COL4A4: variants seen among roughly 807,000 people sequenced by gnomAD.
COL4A4 encodes collagen alpha-4(IV) chain.
Under a neutral mutation model 192.9 loss-of-function variants are expected in COL4A4, and 105 were observed. The ratio of observed to expected loss-of-function variants is 0.54; its 90% confidence interval spans 0.46 to 0.64. The LOEUF is 0.64. Among genes scored for constraint, COL4A4 ranks in the 30% least tolerant of loss-of-function variants. The pLI is 0.00. For missense variants in COL4A4, 1,967 were observed against 2,169.3 expected, an observed-to-expected ratio of 0.91 and a Z score of 1.85; for synonymous variants, 762 against 769.9, an observed-to-expected ratio of 0.99 and a Z score of 0.17.
intron 25 of COL4A4, among the ~76,000 whole-genome samples, chr2:227,074,439 T>C (rs1239991401): frequency 3.3e-5 from 5 of 152,170 alleles, no homozygotes; most frequent in Non-Finnish European, 5.9e-5. Context: ...GGAACACTTA[T>C]ACAATGCTGA....
In COL4A4 at chr2:227,149,676, G is replaced by GTATT. The variant is rs2063787877; in HGVS notation, c.-101-2096_-101-2093dup. Among the ~76,000 whole-genome samples, 5 of 152,250 alleles carry GTATT rather than the reference G, an allele frequency of 3.3e-5. No individual in the cohort carries two copies. In the South Asian group the frequency reaches 1.0e-3, roughly 32 times the overall value. The stretch of plus-strand genomic sequence containing the variant: ...GTCAAAAATTAAAGAAAAACAAGAG[G>GTATT]TATTTACATTTTGATCCCAAAATAT... On this transcript the variant is annotated intron_variant, in intron 1 of 47. Coordinates refer to ENST00000396625, the MANE Select transcript of COL4A4 (RefSeq NM_000092.5).
chr2:227,128,274 G>A (rs891024053), intron 4 of COL4A4, among the ~76,000 whole-genome samples: 3 of 152,132 alleles, frequency 2.0e-5, no homozygotes, highest in African/African-American at 4.8e-5. Flanking sequence ...CCGGAGTGAC[G>A]TTTCAATCCC....
At chr2:227,082,293 A>G in intron 22 of COL4A4, 106 bp from the exon 23 acceptor site, 1 of 1,074,186 alleles carries the variant, frequency 9.3e-7, no homozygotes, top group South Asian at 1.3e-5. Context: ...CTCTTGTTAA[A>G]GATTCTAGCT....
chr2:227,051,881 G>A (rs952402408), intron 32 of COL4A4, among the ~76,000 whole-genome samples: 1 of 152,060 alleles, frequency 6.6e-6, no homozygotes, highest in African/African-American at 2.4e-5. Flanking sequence ...AGGTTTATTT[G>A]TGTTTATTTA....
At position 227,008,216 on chromosome 2, in the gene COL4A4, G is replaced by C. The variant is rs1458127052; in HGVS notation, c.4611C>G (p.Asn1537Lys). 8 of 1,614,222 alleles carry C rather than the reference G, an allele frequency of 5.0e-6. No homozygotes were observed. Among genetic ancestry groups the C allele is most frequent in the Non-Finnish European group, 5.9e-6 (7 of 1,180,030 alleles). The stretch of plus-strand genomic sequence containing the variant: ...CGCTGGCCAGCCAGTAGGATCTGTC[G>C]TTTCTCTGGGCATAGTGGCACACCT... The part of the protein sequence containing the change: ...IHQVCHYAQR[N>K]DRSYWLASAA... The change falls in exon 47 of 48, where the codon AAC becomes AAG. Residue 1537 changes from asparagine to lysine, a missense_variant. Coordinates refer to ENST00000396625, the MANE Select transcript of COL4A4 (RefSeq NM_000092.5).
chr2:227,099,724 T>A, intron 17 of COL4A4, 35 bp from the exon 18 acceptor site: 1 of 1,587,880 alleles, frequency 6.3e-7, no homozygotes, highest in African/African-American at 1.3e-5. Context: ...TTTAAAGGAA[T>A]ATTAATTTTA....
intron 37 of COL4A4, among the ~76,000 whole-genome samples, chr2:227,041,840 GAAAGAAAGAGAAAGAAAGAAAGAA>G (rs1198061029): frequency 2.7e-5 from 2 of 73,058 alleles, no homozygotes; most frequent in Non-Finnish European, 5.0e-5. Flanking sequence ...AAGAAAGAAA[GAAAGAAAGAGAAAGAAAGAAAGAA>G]AGAAAGAAAG....
At chr2:227,086,637 C>T (rs1052256596) in intron 22 of COL4A4, among the ~76,000 whole-genome samples, 5 of 152,112 alleles carry the variant, frequency 3.3e-5, no homozygotes, top group Non-Finnish European at 5.9e-5. Flanking sequence ...AGGAAAGCCC[C>T]ATAGAGCAAC....
intron 45 of COL4A4, among the ~76,000 whole-genome samples, chr2:227,011,151 C>G (rs1207915189): frequency 6.6e-6 from 1 of 152,176 alleles, no homozygotes; most frequent in Non-Finnish European, 1.5e-5. Context: ...TCCTTCGGCA[C>G]CTCTAAGGGG....
At chr2:226,999,163 T>A (rs1960319452), downstream of COL4A4, 1 of 152,230 alleles carries the variant, frequency 6.6e-6, no homozygotes, top group Admixed American at 6.5e-5. Flanking sequence ...GAGCAGTACG[T>A]TGTCTGGAAT....
At chr2:227,107,525 C>T (rs749617836) in intron 12 of COL4A4, among the ~76,000 whole-genome samples, 2 of 152,140 alleles carry the variant, frequency 1.3e-5, no homozygotes, top group African/African-American at 4.8e-5. Context: ...ATATTTTTGA[C>T]TCCTGTGCCG....
At chr2:226,987,937 C>T in the COL4A4 span, among the ~76,000 whole-genome samples, 1 of 152,008 alleles carries the variant, frequency 6.6e-6, no homozygotes, top group African/African-American at 2.4e-5. Flanking sequence ...GATTAAGGAC[C>T]ACTGCAGCAA....
At chr2:227,154,807 T>G (rs1400859772) in intron 1 of COL4A4, among the ~76,000 whole-genome samples, 3 of 152,238 alleles carry the variant, frequency 2.0e-5, no homozygotes, top group Admixed American at 6.5e-5. Flanking sequence ...CACATCCATC[T>G]ACCTGGACAC....
rs1976360591 is a variant in COL4A4, at chr2:227,059,570, G to A, written c.2218C>T (p.Pro740Ser). 7 of 1,614,042 alleles carry A rather than the reference G, an allele frequency of 4.3e-6. No individual in the cohort carries two copies. The highest frequency in any genetic ancestry group is 1.6e-4 in the Middle Eastern group (1 of 6,062). Residue 740 changes from proline to serine, a missense_variant, in exon 28 of 48, where the codon CCT (proline) becomes TCT (serine). Transcript: ENST00000396625. Reference protein sequence around the residue: ...PGFGGEKGSSPVGPPGPPGSP... With the variant: ...PGFGGEKGSSSVGPPGPPGSP... ...CCGGGAGGGCCTGGGGGCCCAACAGGGGAGGACCCCTTTTCACCTCCAAAA... is the reference window on the plus strand; with the variant it reads ...CCGGGAGGGCCTGGGGGCCCAACAGAGGAGGACCCCTTTTCACCTCCAAAA...
intron 45 of COL4A4, among the ~76,000 whole-genome samples, chr2:227,011,813 C>G (rs1322995366): frequency 6.6e-6 from 1 of 152,188 alleles, no homozygotes; most frequent in Non-Finnish European, 1.5e-5. Flanking sequence ...CACACCGTCC[C>G]TGAGGTCTTC....
Position 227,162,285 on chromosome 2 carries a change from A to G in COL4A4, c.-102+1722T>C, listed in dbSNP as rs867557754. 1.3e-4 allele frequency among the ~76,000 whole-genome samples: 20 copies of G among 152,372 alleles called. 2 individuals are homozygous for G. Among genetic ancestry groups the G allele is most frequent in the South Asian group, 6.2e-4 (3 of 4,826 alleles). ...TGATAAAACCAAGTCTAGTCCTCCA[A>G]CAAAATGACTTGGTTTCAGGAAAAG... On this transcript the variant is annotated intron_variant, in intron 1 of 47. Transcript: ENST00000396625.
chr2:226,975,290 C>T, the COL4A4 span, among the ~76,000 whole-genome samples: 59 of 152,254 alleles, frequency 3.9e-4, 1 homozygote, highest in South Asian at 2.5e-3. Context: ...CACACAAACA[C>T]ACACACACAC....
At chr2:227,117,436 G>A (rs1289711715) in intron 7 of COL4A4, among the ~76,000 whole-genome samples, 1 of 152,122 alleles carries the variant, frequency 6.6e-6, no homozygotes, top group African/African-American at 2.4e-5. Flanking sequence ...AACAATGAAA[G>A]GTGGTGGATG....
In COL4A4 at chr2:227,081,259, G is replaced by C. The variant is rs140547467; in HGVS notation, c.1697-710C>G. Among the ~76,000 whole-genome samples, 838 of 152,312 alleles carry C rather than the reference G, an allele frequency of 5.5e-3. 10 individuals are homozygous for C. The highest frequency in any genetic ancestry group is 0.019 in the African/African-American group (802 of 41,576). ...GACAGGAAGACCTACTCCCAATGTG[G>C]GTGGGCACCATCCAATTAGCTGCCA... On this transcript the variant is annotated intron_variant, in intron 23 of 47. Transcript: ENST00000396625.
Sources: gnomAD v4.1 joint callset for allele counts (sites outside exome capture counted in the v4.1 genomes callset) on GRCh38, gnomAD v4.1.1 for gene constraint, MANE v1.5 for transcripts, NCBI Gene and HGNC (gene_info 2026-07-23, HGNC 2026-07-21) for gene names.